Variants in LRRC37A2 observed in about 807,000 individuals in gnomAD.
The protein encoded by LRRC37A2 is leucine-rich repeat-containing protein 37A2.
A neutral mutation model predicts 68.8 loss-of-function variants in LRRC37A2; 9 were observed. The ratio of observed to expected loss-of-function variants is 0.13; its 90% CI spans 0.08 to 0.23. LRRC37A2 has a LOEUF of 0.23. LRRC37A2 is among the 10% of genes least tolerant of loss of function. LRRC37A2 has a pLI of 1.00. For missense variants in LRRC37A2, 168 were observed against 950.4 expected (o/e 0.18, Z 10.82); for synonymous variants, 63 against 367.6 (o/e 0.17, Z 9.48).
chr17:46,954,746 C>T, the LRRC37A2 span, among the ~76,000 whole-genome samples: 1 of 152,170 alleles, frequency 6.6e-6, no homozygotes, highest in Non-Finnish European at 1.5e-5. Flanking sequence ...CTTCACATCC[C>T]TTGTAAATTG....
the LRRC37A2 span, among the ~76,000 whole-genome samples, chr17:46,493,998 C>A: frequency 2.0e-5 from 3 of 150,708 alleles, no homozygotes; most frequent in Non-Finnish European, 2.9e-5. Context: ...ATGCATGCCA[C>A]CATGTGTGGC....
the LRRC37A2 span, among the ~76,000 whole-genome samples, chr17:46,792,193 G>A: frequency 6.6e-6 from 1 of 152,220 alleles, no homozygotes; most frequent in Non-Finnish European, 1.5e-5. Context: ...GGTTCCCCCA[G>A]GAATCACCCT....
the LRRC37A2 span, among the ~76,000 whole-genome samples, chr17:46,986,429 T>C: frequency 6.6e-6 from 1 of 152,204 alleles, no homozygotes; most frequent in African/African-American, 2.4e-5. Flanking sequence ...AGGTCCTTCC[T>C]TTACAGCTCT....
the LRRC37A2 span, among the ~76,000 whole-genome samples, chr17:46,915,721 C>A: frequency 6.6e-6 from 1 of 152,194 alleles, no homozygotes; most frequent in Admixed American, 6.5e-5. Context: ...TACTCTGTGA[C>A]CCACCTCTTG....
the LRRC37A2 span, chr17:46,929,659 A>C: frequency 1.2e-6 from 1 of 801,588 alleles, no homozygotes; most frequent in Admixed American, 1.8e-5. Flanking sequence ...TCCTGACTGC[A>C]CTCTGCCTTG....
chr17:46,933,799 C>CA, the LRRC37A2 span, among the ~76,000 whole-genome samples: 3 of 151,392 alleles, frequency 2.0e-5, no homozygotes, highest in Non-Finnish European at 2.9e-5. Flanking sequence ...ATTGTCTCTA[C>CA]AAAAAAATAT....
the LRRC37A2 span, among the ~76,000 whole-genome samples, chr17:46,943,804 G>A: frequency 6.6e-6 from 1 of 152,250 alleles, no homozygotes; most frequent in Non-Finnish European, 1.5e-5. Context: ...GAGGCATGGG[G>A]CCCCGTGAGG....
At chr17:46,727,741 A>G in the LRRC37A2 span, among the ~76,000 whole-genome samples, 1 of 152,262 alleles carries the variant, frequency 6.6e-6, no homozygotes, top group East Asian at 1.9e-4. Context: ...AAATTCCTTT[A>G]TCTTAACACA....
rs199662339 is a variant in LRRC37A2, at chr17:46,534,207, A to AT, written c.2907-5960dup. 1.1e-4 allele frequency among the ~76,000 whole-genome samples: 16 copies of AT among 140,758 alleles called. No individual in the cohort carries two copies. In the South Asian group the frequency reaches 1.5e-3, roughly 13 times the overall value. 92.3% of individuals were successfully genotyped at this position (140,758 alleles called of 152,430 possible). A position where few individuals can be genotyped will look rare whatever the true frequency, so the allele number is the denominator to read the frequency against. ...TTTGTTTTTGTTTTTGTTTTTTTTAATTTTTTTTTATTGATCATTCTTGGG... is the reference window on the plus strand; with the variant it reads ...TTTGTTTTTGTTTTTGTTTTTTTTAATTTTTTTTTTATTGATCATTCTTGGG... On this transcript the variant is annotated intron_variant, in intron 6 of 14. Coordinates refer to ENST00000576629, the Ensembl canonical transcript of LRRC37A2.
At chr17:46,773,620 C>CCCGG in the LRRC37A2 span, 1 of 434,382 alleles carries the variant, frequency 2.3e-6, no homozygotes, top group Non-Finnish European at 4.7e-6. Flanking sequence ...CAGTCCTGAT[C>CCCGG]CCTCCCCCCA....
the LRRC37A2 span, among the ~76,000 whole-genome samples, chr17:47,038,728 C>A: frequency 5.2e-4 from 17 of 32,664 alleles, no homozygotes; most frequent in African/African-American, 1.1e-3. Flanking sequence ...GAGTCTCACT[C>A]TGTTGCCCAG....
chr17:46,889,062 C>T, the LRRC37A2 span, among the ~76,000 whole-genome samples: 1 of 152,158 alleles, frequency 6.6e-6, no homozygotes, highest in African/African-American at 2.4e-5. Context: ...CTCAGCTCTT[C>T]CCTGCAGCAG....
chr17:46,755,280 A>C, the LRRC37A2 span: 3 of 1,557,266 alleles, frequency 1.9e-6, no homozygotes, highest in Non-Finnish European at 2.7e-6. Context: ...AGAAGGTACC[A>C]TTAACCCATC....
chr17:46,707,457 T>G, the LRRC37A2 span, among the ~76,000 whole-genome samples: 57 of 152,306 alleles, frequency 3.7e-4, no homozygotes, highest in African/African-American at 1.4e-3. Flanking sequence ...CATAATGTTG[T>G]ATAATCATCA....
chr17:46,954,948 A>G, the LRRC37A2 span, among the ~76,000 whole-genome samples: 183 of 152,302 alleles, frequency 1.2e-3, 1 homozygote, highest in Middle Eastern at 6.8e-3. Flanking sequence ...TAGATATACA[A>G]TCATGTCATC....
the LRRC37A2 span, chr17:46,755,392 G>A: frequency 1.9e-6 from 3 of 1,597,294 alleles, no homozygotes; most frequent in Admixed American, 5.0e-5. Flanking sequence ...AACATTTAAT[G>A]ACCATCAACC....
At chr17:46,924,514 T>C in the LRRC37A2 span, 4 of 152,226 alleles carry the variant, frequency 2.6e-5, no homozygotes, top group Non-Finnish European at 5.9e-5. Context: ...TGCTGTAGTT[T>C]TGTTGATTAA....
At chr17:46,895,363 G>C in the LRRC37A2 span, among the ~76,000 whole-genome samples, 1 of 152,262 alleles carries the variant, frequency 6.6e-6, no homozygotes, top group East Asian at 1.9e-4. Flanking sequence ...CTCAGGAGCT[G>C]GGCTGTACGA....
the LRRC37A2 span, among the ~76,000 whole-genome samples, chr17:46,983,803 C>T: frequency 6.6e-6 from 1 of 152,212 alleles, no homozygotes; most frequent in African/African-American, 2.4e-5. Flanking sequence ...GTGGCTCTGG[C>T]TCAAGGTCTC....
Sources: gnomAD v4.1 joint callset for allele counts (sites outside exome capture counted in the v4.1 genomes callset) on GRCh38, gnomAD v4.1.1 for gene constraint, MANE v1.5 for transcripts, NCBI Gene and HGNC (gene_info 2026-07-23, HGNC 2026-07-21) for gene names.